The following DAB1 variants were observed in gnomAD, a reference collection of about 807,000 sequenced individuals.
DAB1 encodes DAB adaptor protein 1, also known as disabled homolog 1.
Under a neutral mutation model 64.6 loss-of-function variants are expected in DAB1, and 15 were observed. That is an observed-to-expected ratio of 0.23 (90% confidence interval 0.16 to 0.36). The LOEUF is 0.36. DAB1 is among the 10% of genes least tolerant of loss of function. DAB1 has a pLI of 1.00. For synonymous variants in DAB1, 235 were observed against 251.9 expected, an observed-to-expected ratio of 0.93 and a Z score of 0.64; for missense variants, 596 against 706.7, an observed-to-expected ratio of 0.84 and a Z score of 1.78.
intron 5 of DAB1, chr1:58,056,155 C>T (rs369461173): frequency 4.1e-5 from 60 of 1,452,300 alleles, no homozygotes; most frequent in Non-Finnish European, 5.3e-5. Context: ...TGGTGGGGGA[C>T]GTGGGGCAGC....
chr1:57,699,640 T>A (rs1348037262), intron 6 of DAB1, among the ~76,000 whole-genome samples: 6 of 152,072 alleles, frequency 3.9e-5, no homozygotes, highest in Non-Finnish European at 8.8e-5. Flanking sequence ...AGGGGCCAGG[T>A]GTGGTGGCTC....
intron 7 of DAB1, among the ~76,000 whole-genome samples, chr1:57,546,119 G>A (rs1425308902): frequency 2.6e-5 from 4 of 151,506 alleles, no homozygotes; most frequent in Admixed American, 2.6e-4. Context: ...GTGCATGTTT[G>A]TAGAAGTTGG....
intron 4 of DAB1, among the ~76,000 whole-genome samples, chr1:58,163,614 T>C (rs1655663883): frequency 6.6e-6 from 1 of 152,084 alleles, no homozygotes; most frequent in Admixed American, 6.6e-5. Flanking sequence ...TCCCAATCCA[T>C]ATGGAAGCTC....
chr1:58,374,159 G>T (rs1644300088), intron 3 of DAB1, among the ~76,000 whole-genome samples: 1 of 113,240 alleles, frequency 8.8e-6, no homozygotes. Context: ...AGTTTCTTTT[G>T]CTGTGCAGAA....
At chr1:57,990,317 A>G (rs1259122228) in intron 5 of DAB1, among the ~76,000 whole-genome samples, 5 of 152,234 alleles carry the variant, frequency 3.3e-5, no homozygotes, top group Non-Finnish European at 1.5e-5. Context: ...CAGCCAGTAA[A>G]TGACAGAAAT....
chr1:57,606,678 T>TA, intron 7 of DAB1, among the ~76,000 whole-genome samples: 1 of 71,552 alleles, frequency 1.4e-5, no homozygotes, highest in Non-Finnish European at 2.9e-5. Flanking sequence ...ATGAAATATA[T>TA]ATTATGTATG....
intron 4 of DAB1, among the ~76,000 whole-genome samples, chr1:58,291,325 C>A (rs1158154292): frequency 4.6e-5 from 7 of 152,146 alleles, no homozygotes; most frequent in Non-Finnish European, 1.5e-5. Flanking sequence ...AATAACACAG[C>A]CTTCTCTTCT....
intron 7 of DAB1, among the ~76,000 whole-genome samples, chr1:57,497,651 C>T (rs138528012): frequency 1.5e-3 from 229 of 152,150 alleles, no homozygotes; most frequent in African/African-American, 4.4e-3. Context: ...ACAGGGTGTA[C>T]GCTAGGTAAA....
At chr1:58,143,357 C>T (rs1023184459) in intron 5 of DAB1, among the ~76,000 whole-genome samples, 1 of 152,090 alleles carries the variant, frequency 6.6e-6, no homozygotes, top group Non-Finnish European at 1.5e-5. Flanking sequence ...GCTAGCCACC[C>T]CACCAGTGCA....
At chr1:58,342,461 G>T (rs967956615) in intron 4 of DAB1, among the ~76,000 whole-genome samples, 2 of 152,136 alleles carry the variant, frequency 1.3e-5, no homozygotes, top group Non-Finnish European at 2.9e-5. Flanking sequence ...TCAATAATTA[G>T]GGTCTGAGCT....
chr1:58,116,979 G>A (rs1652377419), intron 5 of DAB1, among the ~76,000 whole-genome samples: 1 of 152,148 alleles, frequency 6.6e-6, no homozygotes, highest in Admixed American at 6.6e-5. Context: ...TTTGCGAGTG[G>A]ACTTCTAAGC....
intron 2 of DAB1, among the ~76,000 whole-genome samples, chr1:57,198,698 C>T (rs1664851069): frequency 6.7e-6 from 1 of 148,350 alleles, no homozygotes; most frequent in Admixed American, 6.8e-5. Flanking sequence ...CACCCATCAA[C>T]TTTTCCTGGG....
At chr1:58,470,526 C>T (rs822061) in intron 3 of DAB1, among the ~76,000 whole-genome samples, 22,450 of 152,096 alleles carry the variant, frequency 0.15, 1,842 homozygotes, top group Admixed American at 0.25. Flanking sequence ...CTTCACCATG[C>T]CATCACCCTC....
chr1:57,375,890 G>A (rs946522254), intron 1 of DAB1, among the ~76,000 whole-genome samples: 1 of 152,170 alleles, frequency 6.6e-6, no homozygotes, highest in Non-Finnish European at 1.5e-5. Flanking sequence ...AATATTTTGT[G>A]TATTGCCTTC....
chr1:58,531,560 A>G (rs1646433862), intron 1 of DAB1, among the ~76,000 whole-genome samples: 2 of 152,194 alleles, frequency 1.3e-5, no homozygotes, highest in African/African-American at 4.8e-5. Flanking sequence ...CATTACTTGA[A>G]TGTATGAAAA....
At chr1:57,918,271 T>C (rs1490442782) in intron 5 of DAB1, among the ~76,000 whole-genome samples, 2 of 152,146 alleles carry the variant, frequency 1.3e-5, no homozygotes, top group Non-Finnish European at 2.9e-5. Context: ...GTCCATTTTG[T>C]TTTGCTGTAA....
At chr1:58,296,237 GAAA>G (rs1333818726) in intron 4 of DAB1, among the ~76,000 whole-genome samples, 4 of 150,924 alleles carry the variant, frequency 2.7e-5, no homozygotes, top group Non-Finnish European at 4.4e-5. Flanking sequence ...AAGAAAGAAA[GAAA>G]GAAAGAAAGA....
chr1:57,119,389 T>G (rs1279977687), intron 4 of DAB1, among the ~76,000 whole-genome samples: 1 of 152,134 alleles, frequency 6.6e-6, no homozygotes, highest in Admixed American at 6.6e-5. Flanking sequence ...CTTTCCCCCC[T>G]CCTCTTGAGC....
upstream of DAB1, among the ~76,000 whole-genome samples, chr1:57,888,705 C>T (rs766652480): frequency 4.6e-5 from 7 of 152,142 alleles, no homozygotes; most frequent in Non-Finnish European, 7.4e-5. Flanking sequence ...AAGAAACAAA[C>T]CTATCCTTGT....
Sources: allele counts gnomAD v4.1 joint callset (sites outside exome capture counted in the v4.1 genomes callset), GRCh38; gene constraint gnomAD v4.1.1; transcripts MANE v1.5; gene names NCBI Gene and HGNC (gene_info 2026-07-23, HGNC 2026-07-21).